The following FOXN2 variants were observed in gnomAD, a reference collection of about 807,000 sequenced individuals.
FOXN2 encodes the protein forkhead box N2, also known as forkhead box protein N2.
A neutral mutation model predicts 41.2 loss-of-function variants in FOXN2; 19 were observed. That is an observed-to-expected ratio of 0.46 (90% CI 0.32 to 0.68). The LOEUF is 0.68. FOXN2 is among the 30% of genes least tolerant of loss of function. The probability of loss-of-function intolerance (pLI) is 0.03; values close to 1 mark genes in which losing one functional copy is unlikely to be tolerated. For missense variants in FOXN2, 587 were observed against 509.4 expected, an observed-to-expected ratio of 1.15 and a Z score of -1.47; for synonymous variants, 195 against 176.8, an observed-to-expected ratio of 1.10 and a Z score of -0.82.
At chr2:48,356,110 C>T (rs1382345225) in intron 3 of FOXN2, among the ~76,000 whole-genome samples, 3 of 151,870 alleles carry the variant, frequency 2.0e-5, no homozygotes, top group Non-Finnish European at 4.4e-5. Flanking sequence ...GATGACAGAG[C>T]AAGACTCTGT....
chr2:48,315,536 G>A (rs932654131), intron 1 of FOXN2, among the ~76,000 whole-genome samples: 6 of 152,200 alleles, frequency 3.9e-5, no homozygotes, highest in African/African-American at 1.4e-4. Context: ...CTTTGGGGCC[G>A]TGGTTACCTT....
At chr2:48,324,632 G>A (rs1037494670) in intron 1 of FOXN2, among the ~76,000 whole-genome samples, 2 of 152,250 alleles carry the variant, frequency 1.3e-5, no homozygotes, top group South Asian at 2.1e-4. Flanking sequence ...GCAAGTTAGA[G>A]CCAGGTTGTG....
intron 1 of FOXN2, among the ~76,000 whole-genome samples, chr2:48,315,946 GGT>G (rs1359161378): frequency 2.0e-5 from 3 of 152,224 alleles, no homozygotes; most frequent in Non-Finnish European, 4.4e-5. Flanking sequence ...CCAACTCCGA[GGT>G]GAGGGGAGGA....
rs1292432535 is a variant in FOXN2, at chr2:48,346,527, G to A, written c.313G>A (p.Glu105Lys). Residue 105 changes from glutamate (E) to lysine (K), a missense_variant, in exon 3 of 7, where the codon GAA becomes AAA. Physicochemically the swap from Glu to Lys is moderately conservative, Grantham distance 56. Coordinates refer to ENST00000340553, the MANE Select transcript of FOXN2 (RefSeq NM_002158.4). Reference protein sequence around the residue: ...SFGPACYQNPEKKSATSKPPY... With the variant: ...SFGPACYQNPKKKSATSKPPY... ...TGGACCAGCTTGCTACCAGAACCCA[G>A]AAAAAAAATCAGCGACTTCAAAGCC... 2 of 1,610,908 alleles carry A rather than the reference G, an allele frequency of 1.2e-6. No individual in the cohort carries two copies. The highest frequency in any genetic ancestry group is 1.3e-5 in the African/African-American group (1 of 74,648).
chr2:48,340,773 A>G (rs145666329), intron 2 of FOXN2: 6 of 152,336 alleles, frequency 3.9e-5, no homozygotes, highest in African/African-American at 1.4e-4. Flanking sequence ...CCAATTAGCA[A>G]TAATTGCACT....
chr2:48,354,251 TAAG>T (rs1050490419), intron 3 of FOXN2, among the ~76,000 whole-genome samples: 4 of 152,296 alleles, frequency 2.6e-5, no homozygotes, highest in South Asian at 2.1e-4. Context: ...AATGATTGGC[TAAG>T]AAGAAGTTGT....
intron 5 of FOXN2, among the ~76,000 whole-genome samples, chr2:48,371,568 C>T (rs1672896805): frequency 6.6e-6 from 1 of 151,940 alleles, no homozygotes; most frequent in South Asian, 2.1e-4. Context: ...GTTCTTTTTG[C>T]TCAAGATTCT....
At chr2:48,342,417 A>C (rs1349613688) in intron 2 of FOXN2, among the ~76,000 whole-genome samples, 1 of 152,152 alleles carries the variant, frequency 6.6e-6, no homozygotes, top group African/African-American at 2.4e-5. Context: ...TTTTCCCTAC[A>C]TAAGATTATT....
intron 4 of FOXN2, among the ~76,000 whole-genome samples, chr2:48,361,065 A>G (rs1313629508): frequency 6.6e-6 from 1 of 151,836 alleles, no homozygotes; most frequent in Non-Finnish European, 1.5e-5. Flanking sequence ...TTTGTAAACC[A>G]TCACAAATAT....
intron 5 of FOXN2, 38 bp downstream of exon 5, chr2:48,362,745 C>A: frequency 6.5e-7 from 1 of 1,549,872 alleles, no homozygotes; most frequent in Non-Finnish European, 8.9e-7. Flanking sequence ...CACCACACAA[C>A]AATCTTTTGG....
chr2:48,342,512 G>T (rs192175196), intron 2 of FOXN2, among the ~76,000 whole-genome samples: 1 of 151,910 alleles, frequency 6.6e-6, no homozygotes, highest in African/African-American at 2.4e-5. Flanking sequence ...TTAGCTTTCC[G>T]AAATGGCCCT....
Position 48,346,317 on chromosome 2 carries a change from G to A in FOXN2, c.103G>A (p.Glu35Lys). The A allele has an allele frequency of 6.2e-7, 1 of 1,614,206 alleles. No homozygotes were observed. Among genetic ancestry groups the A allele is most frequent in the Non-Finnish European group, 8.5e-7 (1 of 1,180,034 alleles). Residue 35 changes from glutamate to lysine, a missense_variant, in exon 3 of 7, where the codon GAA (glutamate) becomes AAA (lysine). By Grantham distance (56) the Glu-to-Lys change is moderately conservative. Transcript: ENST00000340553. Reference sequence around the variant, plus strand: ...GATTTACAAAATGGGAAGCTTGCCTGAAGCTGTTGATGCTGCCAGGCCGAA... The same window carrying A: ...GATTTACAAAATGGGAAGCTTGCCTAAAGCTGTTGATGCTGCCAGGCCGAA... ...SQIYKMGSLP[E>K]AVDAARPKAT...
At chr2:48,357,581 C>T (rs554101918) in intron 3 of FOXN2, among the ~76,000 whole-genome samples, 111 of 151,124 alleles carry the variant, frequency 7.3e-4, no homozygotes, top group Middle Eastern at 3.4e-3. Context: ...AGACTATAGG[C>T]GCGCACCACC....
intron 2 of FOXN2, among the ~76,000 whole-genome samples, chr2:48,336,974 T>C (rs1027026554): frequency 5.3e-5 from 8 of 152,100 alleles, no homozygotes; most frequent in African/African-American, 1.9e-4. Flanking sequence ...ATTACATTCT[T>C]TAAGTTATTT....
At chr2:48,360,235 T>C (rs1476548988) in intron 4 of FOXN2, among the ~76,000 whole-genome samples, 2 of 152,166 alleles carry the variant, frequency 1.3e-5, no homozygotes, top group Non-Finnish European at 2.9e-5. Flanking sequence ...CAATTTATTA[T>C]ATACCTTCAT....
intron 1 of FOXN2, among the ~76,000 whole-genome samples, chr2:48,321,747 A>G (rs1320337616): frequency 1.3e-5 from 2 of 152,166 alleles, no homozygotes; most frequent in Admixed American, 1.3e-4. Flanking sequence ...AAATCTAAAA[A>G]AATTTTAGTA....
intron 1 of FOXN2, among the ~76,000 whole-genome samples, chr2:48,315,115 C>G (rs1375814438): frequency 6.6e-6 from 1 of 152,012 alleles, no homozygotes; most frequent in Non-Finnish European, 1.5e-5. Flanking sequence ...GAGGGGCTGT[C>G]GCGCGGCGGA....
intron 5 of FOXN2, among the ~76,000 whole-genome samples, chr2:48,363,209 T>A (rs1303514848): frequency 6.6e-6 from 1 of 152,186 alleles, no homozygotes; most frequent in Non-Finnish European, 1.5e-5. Context: ...ATCTTGACCC[T>A]GTGTATGCTC....
rs78315108 is a variant in FOXN2 at position 48,315,129 on chromosome 2, C to T, written c.-157+315C>T. On this transcript the variant is annotated intron_variant, in intron 1 of 6. Coordinates refer to ENST00000340553, the MANE Select transcript of FOXN2 (RefSeq NM_002158.4). ...GGAGGGGCTGTCGCGCGGCGGAAAC[C>T]GCGGCGAGGGGTGTCGTCTCTCCGG... Among the ~76,000 whole-genome samples, 784 of 152,224 alleles carry T rather than the reference C, an allele frequency of 5.2e-3. 10 individuals carry two copies. The highest frequency in any genetic ancestry group is 0.018 in the African/African-American group (744 of 41,544).
Sources: gnomAD v4.1 joint callset for allele counts (sites outside exome capture counted in the v4.1 genomes callset) on GRCh38, gnomAD v4.1.1 for gene constraint, MANE v1.5 for transcripts, NCBI Gene and HGNC (gene_info 2026-07-23, HGNC 2026-07-21) for gene names.